SLC9C1: variants seen among roughly 807,000 people sequenced by gnomAD.
The protein encoded by SLC9C1 is solute carrier family 9 member C1.
Under a neutral mutation model 140.9 loss-of-function variants are expected in SLC9C1, and 97 were observed. The observed-to-expected ratio is 0.69, with a 90% CI of 0.58 to 0.82. The LOEUF is 0.82. SLC9C1 is among the 40% of genes least tolerant of loss of function. The pLI is 0.00. For missense variants in SLC9C1, 1,340 were observed against 1,389.3 expected, an observed-to-expected ratio of 0.96 and a Z score of 0.56; for synonymous variants, 440 against 442.6, an observed-to-expected ratio of 0.99 and a Z score of 0.07.
chr3:112,228,721 T>C (rs1237900220), intron 13 of SLC9C1, among the ~76,000 whole-genome samples: 1 of 151,972 alleles, frequency 6.6e-6, no homozygotes, highest in Non-Finnish European at 1.5e-5. Flanking sequence ...GATTTAAAAA[T>C]GAGCAAAGGA....
intron 27 of SLC9C1, among the ~76,000 whole-genome samples, chr3:112,153,022 T>C (rs1476576668): frequency 6.6e-6 from 1 of 152,106 alleles, no homozygotes; most frequent in Non-Finnish European, 1.5e-5. Context: ...CTTTTTATTA[T>C]GTAAAGGGAA....
At chr3:112,236,824 G>A (rs1304135136) in intron 12 of SLC9C1, among the ~76,000 whole-genome samples, 1 of 152,226 alleles carries the variant, frequency 6.6e-6, no homozygotes, top group Non-Finnish European at 1.5e-5. Context: ...TTGCACTGTG[G>A]TCTGAGAGAT....
intron 1 of SLC9C1, among the ~76,000 whole-genome samples, chr3:112,293,345 T>G (rs1366001989): frequency 6.6e-6 from 1 of 152,120 alleles, no homozygotes; most frequent in Non-Finnish European, 1.5e-5. Context: ...TGGAGGAAAT[T>G]AATGACTGCC....
intron 8 of SLC9C1, 26 bp downstream of exon 8, chr3:112,266,212 A>G: frequency 6.8e-7 from 1 of 1,476,200 alleles, no homozygotes; most frequent in Non-Finnish European, 9.4e-7. Flanking sequence ...TGTATGAAAT[A>G]AAGTCAAAAT....
intron 26 of SLC9C1, among the ~76,000 whole-genome samples, chr3:112,155,853 AT>A (rs964862732): frequency 6.6e-6 from 1 of 151,956 alleles, no homozygotes; most frequent in Non-Finnish European, 1.5e-5. Flanking sequence ...TTTTATTTTA[AT>A]TTTTTTGACA....
At chr3:112,231,250 G>T (rs1431416941) in intron 13 of SLC9C1, 111 bp downstream of exon 13, 4 of 1,279,624 alleles carry the variant, frequency 3.1e-6, no homozygotes, top group East Asian at 5.2e-5. Context: ...ACTTCCCTTT[G>T]CCTTTGTAAA....
intron 20 of SLC9C1, among the ~76,000 whole-genome samples, chr3:112,190,568 C>T (rs947718533): frequency 5.3e-5 from 8 of 152,082 alleles, no homozygotes; most frequent in South Asian, 2.1e-4. Context: ...TTTTGCCCAT[C>T]ATTTCTGATT....
At chr3:112,254,679 A>G (rs561049089) in intron 10 of SLC9C1, among the ~76,000 whole-genome samples, 1 of 152,278 alleles carries the variant, frequency 6.6e-6, no homozygotes, top group East Asian at 1.9e-4. Flanking sequence ...AAGCAACTAT[A>G]CAAACAAACT....
At chr3:112,213,803 A>G (rs1560075196) in intron 15 of SLC9C1, among the ~76,000 whole-genome samples, 1 of 152,220 alleles carries the variant, frequency 6.6e-6, no homozygotes, top group Non-Finnish European at 1.5e-5. Context: ...GAACAACGAG[A>G]CAGAAAGTTA....
intron 14 of SLC9C1, among the ~76,000 whole-genome samples, chr3:112,218,593 T>C (rs958128257): frequency 3.3e-5 from 5 of 152,222 alleles, no homozygotes; most frequent in African/African-American, 1.2e-4. Context: ...AAATATTTAT[T>C]CAACATCTGC....
chr3:112,270,114 G>T, intron 6 of SLC9C1, 37 bp from the exon 7 acceptor site: 2 of 1,429,180 alleles, frequency 1.4e-6, no homozygotes, highest in South Asian at 1.7e-5. Context: ...ATAGTTAATA[G>T]AACTTGCCGT....
At chr3:112,185,965 GCT>G (rs2077531377) in intron 20 of SLC9C1, 1 of 1,560,234 alleles carries the variant, frequency 6.4e-7, no homozygotes. Context: ...TGGGCGACCA[GCT>G]CTCTGCTGCC....
intron 12 of SLC9C1, among the ~76,000 whole-genome samples, chr3:112,235,593 A>C (rs1436084692): frequency 6.6e-6 from 1 of 151,708 alleles, no homozygotes; most frequent in African/African-American, 2.4e-5. Flanking sequence ...CCCATTCAGT[A>C]TGATATTGGC....
At chr3:112,148,857 C>T (rs2074878659) in intron 28 of SLC9C1, among the ~76,000 whole-genome samples, 1 of 152,120 alleles carries the variant, frequency 6.6e-6, no homozygotes, top group African/African-American at 2.4e-5. Flanking sequence ...AATAGAGAAT[C>T]CAGTGAGTGT....
At chr3:112,234,827 A>G (rs987392470) in intron 12 of SLC9C1, among the ~76,000 whole-genome samples, 1 of 151,956 alleles carries the variant, frequency 6.6e-6, no homozygotes, top group Non-Finnish European at 1.5e-5. Context: ...GTTCTGTTCC[A>G]TTGTCTAGAT....
intron 23 of SLC9C1, among the ~76,000 whole-genome samples, chr3:112,172,800 T>C (rs1263286984): frequency 6.6e-6 from 1 of 152,144 alleles, no homozygotes; most frequent in African/African-American, 2.4e-5. Context: ...GAATATCTTA[T>C]ATAAATTTTC....
At chr3:112,217,331 C>T in intron 15 of SLC9C1, 111 bp downstream of exon 15, 2 of 1,294,454 alleles carry the variant, frequency 1.5e-6, no homozygotes, top group Admixed American at 2.6e-5. Flanking sequence ...GCACATGTAC[C>T]CTAGCACTTA....
intron 16 of SLC9C1, among the ~76,000 whole-genome samples, chr3:112,205,391 C>G (rs369948869): frequency 1.5e-4 from 22 of 149,676 alleles, no homozygotes; most frequent in African/African-American, 4.4e-4. Flanking sequence ...CACTGCTCAA[C>G]GAAATAAAAG....
At position 112,199,378 on chromosome 3, in the gene SLC9C1, A is replaced by C. The variant is rs2077845928; in HGVS notation, c.2466T>G (p.Leu822=). Residue 822 remains leucine (L), a synonymous_variant, in exon 20 of 29, where the codon CTT becomes CTG. Coordinates refer to ENST00000305815, the MANE Select transcript of SLC9C1 (RefSeq NM_183061.3). The part of the protein sequence containing the change: ...NVMLNMATEI[L]KAFGLKGIIS... ...TAATTCCTTTTAAGCCAAAAGCCTT[A>C]AGAATTTCTGTAGCCATATTGAGCA... The C allele has an allele frequency of 6.3e-7, 1 of 1,598,552 alleles. No individual in the cohort carries two copies. The highest frequency in any genetic ancestry group is 1.3e-5 in the African/African-American group (1 of 74,364).
Sources: gnomAD v4.1 joint callset for allele counts (sites outside exome capture counted in the v4.1 genomes callset) on GRCh38, gnomAD v4.1.1 for gene constraint, MANE v1.5 for transcripts, NCBI Gene and HGNC (gene_info 2026-07-23, HGNC 2026-07-21) for gene names.